The following USP46 variants were observed in gnomAD, a reference collection of about 807,000 sequenced individuals.
USP46 encodes the protein ubiquitin specific peptidase 46, also known as ubiquitin carboxyl-terminal hydrolase 46.
A neutral mutation model predicts 44.4 loss-of-function variants in USP46; 12 were observed. The observed-to-expected ratio is 0.27, with a 90% confidence interval of 0.17 to 0.44. The LOEUF is 0.44. USP46 is among the 20% of genes least tolerant of loss of function. The probability of loss-of-function intolerance (pLI) is 1.00; values close to 1 mark genes in which losing one functional copy is unlikely to be tolerated. For missense variants in USP46, 248 were observed against 444.8 expected, an observed-to-expected ratio of 0.56 and a Z score of 3.98; for synonymous variants, 155 against 161.5, an observed-to-expected ratio of 0.96 and a Z score of 0.31.
chr4:52,651,929 G>T (rs1402441262), intron 1 of USP46, among the ~76,000 whole-genome samples: 1 of 152,066 alleles, frequency 6.6e-6, no homozygotes, highest in African/African-American at 2.4e-5. Context: ...TGATTATCTT[G>T]TCATCATTTT....
intron 7 of USP46, among the ~76,000 whole-genome samples, chr4:52,600,156 A>C (rs1716409902): frequency 6.6e-6 from 1 of 152,172 alleles, no homozygotes; most frequent in South Asian, 2.1e-4. Context: ...CAGATAGATT[A>C]TAAGCTTTGT....
At chr4:52,645,819 A>C (rs1442196528) in intron 1 of USP46, among the ~76,000 whole-genome samples, 1 of 152,016 alleles carries the variant, frequency 6.6e-6, no homozygotes, top group Non-Finnish European at 1.5e-5. Flanking sequence ...AGGTGATTGG[A>C]TCATTGGGGC....
intron 5 of USP46, among the ~76,000 whole-genome samples, chr4:52,606,719 C>T (rs1366086135): frequency 6.6e-6 from 1 of 152,164 alleles, no homozygotes; most frequent in South Asian, 2.1e-4. Flanking sequence ...CAGCATGAAC[C>T]CTAACCAACA....
At position 52,597,600 on chromosome 4, in the gene USP46, A is replaced by G. The variant is rs1716296393; in HGVS notation, c.*40T>C. ...GGAGAAGCCGGGTGACAGTGCTGTG[A>G]ACATTCTCCCCACGTGAATCAGTCC... On this transcript the variant is annotated 3_prime_UTR_variant, in exon 9 of 9. Coordinates refer to ENST00000441222, the MANE Select transcript of USP46 (RefSeq NM_022832.4). 1 of 1,421,414 alleles carries G rather than the reference A, an allele frequency of 7.0e-7. No homozygotes were observed. Among genetic ancestry groups the G allele is most frequent in the Admixed American group, 2.0e-5 (1 of 49,842 alleles). The allele number at this position is 1,421,414 out of a possible 1,614,324, so 88.1% of individuals were successfully genotyped here.
At chr4:52,653,300 GT>G (rs1718835738) in intron 1 of USP46, among the ~76,000 whole-genome samples, 2 of 151,996 alleles carry the variant, frequency 1.3e-5, no homozygotes, top group African/African-American at 4.8e-5. Context: ...GAGGTCAGGA[GT>G]TTGAGACCAG....
At position 52,593,734 on chromosome 4, in the gene USP46, C is replaced by T. The variant is rs1716120171; in HGVS notation, c.*3906G>A. Reference sequence around the variant, plus strand: ...CCAGGGACCAATCACAGTCCTACTCCTTCCTAGAAACCAGATACTGGAAGC... The same window carrying T: ...CCAGGGACCAATCACAGTCCTACTCTTTCCTAGAAACCAGATACTGGAAGC... On this transcript the variant is annotated 3_prime_UTR_variant, in exon 9 of 9. Coordinates refer to ENST00000441222, the MANE Select transcript of USP46 (RefSeq NM_022832.4). 6.6e-6 allele frequency: 1 copy of T among 152,248 alleles called. No individual in the cohort carries two copies. The highest frequency in any genetic ancestry group is 1.5e-5 in the Non-Finnish European group (1 of 68,038). 9.4% of individuals were successfully genotyped at this position (152,248 alleles called of 1,614,324 possible).
chr4:52,626,602 C>T (rs1235005396), intron 3 of USP46, among the ~76,000 whole-genome samples: 6 of 152,066 alleles, frequency 3.9e-5, no homozygotes, highest in South Asian at 2.1e-4. Flanking sequence ...GGATTACAGA[C>T]GTGAGCCACC....
chr4:52,656,504 G>C, intron 1 of USP46: 1 of 1,439,886 alleles, frequency 6.9e-7, no homozygotes, highest in Non-Finnish European at 9.1e-7. Context: ...CTATACATGG[G>C]AGGTGTTTAT....
intron 4 of USP46, among the ~76,000 whole-genome samples, chr4:52,614,278 A>G (rs1717042326): frequency 6.6e-6 from 1 of 152,198 alleles, no homozygotes; most frequent in African/African-American, 2.4e-5. Flanking sequence ...AACGCTGAGT[A>G]TTTCCCAAAT....
chr4:52,624,359 G>A (rs1046083937), intron 4 of USP46, among the ~76,000 whole-genome samples: 1 of 152,132 alleles, frequency 6.6e-6, no homozygotes, highest in African/African-American at 2.4e-5. Context: ...TGTTTTGACA[G>A]GATATATTTT....
At chr4:52,643,494 C>T (rs1008327388) in intron 1 of USP46, among the ~76,000 whole-genome samples, 2 of 152,212 alleles carry the variant, frequency 1.3e-5, no homozygotes, top group Non-Finnish European at 2.9e-5. Context: ...AGAGACACTA[C>T]GGCCCACAAA....
At chr4:52,645,510 C>A (rs1443835900) in intron 1 of USP46, among the ~76,000 whole-genome samples, 1 of 152,140 alleles carries the variant, frequency 6.6e-6, no homozygotes, top group Non-Finnish European at 1.5e-5. Context: ...TTTCTAGCTG[C>A]AGGTGGAAGA....
At position 52,618,126 on chromosome 4, in the gene USP46, A is replaced by G. The variant is rs1358774046; in HGVS notation, c.562-7509T>C. Reference sequence around the variant, plus strand: ...CCAGGCACAGTAGTGGCTCACGCCTATAATCCCAGTGCTTTGGATGGCTAA... The same window carrying G: ...CCAGGCACAGTAGTGGCTCACGCCTGTAATCCCAGTGCTTTGGATGGCTAA... On this transcript the variant is annotated intron_variant, in intron 4 of 8. Coordinates refer to ENST00000441222, the MANE Select transcript of USP46 (RefSeq NM_022832.4). Among the ~76,000 whole-genome samples the G allele has an allele frequency of 2.0e-4, 31 of 152,336 alleles. No homozygotes were observed. In the East Asian group the frequency reaches 6.0e-3, roughly 29 times the overall value.
At position 52,601,735 on chromosome 4, in the gene USP46, G is replaced by C. The variant is rs1393623692; in HGVS notation, c.920+122C>G. On this transcript the variant is annotated intron_variant, in intron 7 of 8. Coordinates refer to ENST00000441222, the MANE Select transcript of USP46 (RefSeq NM_022832.4). ...ATATTTTTTGTGATGATCAGTAAGA[G>C]TTTGGCAGAGATCCCAAAACTATTG... 4.0e-6 allele frequency: 4 copies of C among 992,798 alleles called. No homozygotes were observed. The African/African-American group carries it at 6.5e-5, about 16-fold the overall frequency. 61.5% of individuals were successfully genotyped at this position (992,798 alleles called of 1,614,324 possible). A position where few individuals can be genotyped will look rare whatever the true frequency, so the allele number is the denominator to read the frequency against.
intron 1 of USP46, among the ~76,000 whole-genome samples, chr4:52,656,944 G>A (rs757426129): frequency 2.0e-5 from 3 of 151,160 alleles, no homozygotes; most frequent in Non-Finnish European, 2.9e-5. Context: ...GAAGGCAGAG[G>A]TGGGAGAATC....
chr4:52,653,182 G>T (rs180737784), intron 1 of USP46, among the ~76,000 whole-genome samples: 1 of 152,208 alleles, frequency 6.6e-6, no homozygotes, highest in Admixed American at 6.5e-5. Flanking sequence ...TTACTGTTAG[G>T]GTTGTTCGCT....
rs1254092683 is a variant in USP46 at position 52,659,247 on chromosome 4, G to A, written c.-97C>T. The A allele has an allele frequency of 1.1e-5, 15 of 1,394,910 alleles. No individual in the cohort carries two copies. Among genetic ancestry groups the A allele is most frequent in the African/African-American group, 1.5e-5 (1 of 66,196 alleles). The allele number at this position is 1,394,910 out of a possible 1,614,324, so 86.4% of individuals were successfully genotyped here. A position where few individuals can be genotyped will look rare whatever the true frequency, so the allele number is the denominator to read the frequency against. ...GCTGGCGGGGAGGCCGGGCGGCAGC[G>A]CGGCGGCCTGGGGTCCGGCTTTCAG... On this transcript the variant is annotated 5_prime_UTR_variant, in exon 1 of 9. Transcript: ENST00000441222. This position sits in a 1 kb window ranked among gnomAD's most constrained non-coding sequence, Gnocchi z 4.2.
chr4:52,655,832 T>C (rs1013484135), intron 1 of USP46, among the ~76,000 whole-genome samples: 3 of 152,136 alleles, frequency 2.0e-5, no homozygotes, highest in Admixed American at 6.5e-5. Context: ...TTAAAACAAA[T>C]AGAAACTAGT....
intron 5 of USP46, among the ~76,000 whole-genome samples, chr4:52,608,810 T>G (rs1210885076): frequency 1.3e-5 from 2 of 152,128 alleles, no homozygotes; most frequent in Non-Finnish European, 2.9e-5. Context: ...TCATCGGCAC[T>G]GGGAGAATGG....
Sources: gnomAD v4.1 joint callset for allele counts (sites outside exome capture counted in the v4.1 genomes callset) on GRCh38, gnomAD v4.1.1 for gene constraint, Gnocchi (gnomAD v3.1) non-coding constraint, MANE v1.5 for transcripts, NCBI Gene and HGNC (gene_info 2026-07-23, HGNC 2026-07-21) for gene names.